The following RANBP17 variants were observed in gnomAD, a reference collection of about 807,000 sequenced individuals.
RANBP17 encodes the protein ran-binding protein 17.
A neutral mutation model predicts 141.2 loss-of-function variants in RANBP17; 158 were observed. That is an observed-to-expected ratio of 1.12 (90% CI 0.98 to 1.28). The LOEUF (loss-of-function observed/expected upper bound fraction) is 1.28, where lower values mean the gene tolerates loss of function less well. Among genes scored for constraint, RANBP17 ranks in the 50% most tolerant of loss-of-function variants. The pLI is 0.00. For missense variants in RANBP17, 1,438 were observed against 1,290.7 expected, an observed-to-expected ratio of 1.11 and a Z score of -1.75; for synonymous variants, 430 against 450.0, an observed-to-expected ratio of 0.96 and a Z score of 0.56.
intron 5 of RANBP17, among the ~76,000 whole-genome samples, chr5:170,898,375 G>A (rs575614275): frequency 6.6e-6 from 1 of 150,886 alleles, no homozygotes; most frequent in Non-Finnish European, 1.5e-5. Context: ...TTGTGATGGG[G>A]TTTTTTTTTC....
chr5:170,868,417 TTTG>T (rs371693546), intron 1 of RANBP17, among the ~76,000 whole-genome samples: 4,205 of 151,590 alleles, frequency 0.028, 168 homozygotes, highest in African/African-American at 0.094. Flanking sequence ...CCTGGCTGAT[TTTG>T]TTGTTGTTGT....
chr5:171,083,329 C>A (rs908756291), intron 14 of RANBP17, among the ~76,000 whole-genome samples: 1 of 152,108 alleles, frequency 6.6e-6, no homozygotes, highest in African/African-American at 2.4e-5. Flanking sequence ...CTAGCCCACT[C>A]CTTCCACCAT....
At chr5:171,171,412 A>T in intron 16 of RANBP17, 126 bp downstream of exon 16, 1 of 521,512 alleles carries the variant, frequency 1.9e-6, no homozygotes, top group Non-Finnish European at 3.4e-6. Context: ...CCTTTCATTT[A>T]GCCTTATCTG....
At chr5:171,064,316 T>C (rs1411965647) in intron 14 of RANBP17, among the ~76,000 whole-genome samples, 1 of 152,232 alleles carries the variant, frequency 6.6e-6, no homozygotes, top group Non-Finnish European at 1.5e-5. Context: ...CTGCCAGTCC[T>C]AGAATGTATT....
Position 171,213,157 on chromosome 5 carries a change from T to A in RANBP17, c.2232-474T>A, listed in dbSNP as rs377254947. Among the ~76,000 whole-genome samples the A allele has an allele frequency of 1.3e-3, 193 of 152,316 alleles. 9 individuals carry two copies. The South Asian group carries it at 0.039, about 30-fold the overall frequency. On this transcript the variant is annotated intron_variant, in intron 20 of 27. Coordinates refer to ENST00000523189, the MANE Select transcript of RANBP17 (RefSeq NM_022897.5). ...GAAACTGAGAGATATGTGAGGTTTA[T>A]TACTAGTTCCTTCTACTTTTACATA...
chr5:170,892,623 T>A, intron 4 of RANBP17, 70 bp downstream of exon 4: 2 of 1,194,094 alleles, frequency 1.7e-6, no homozygotes, highest in Non-Finnish European at 1.2e-6. Flanking sequence ...CTGCTCTTCT[T>A]AAAGCGATAT....
At chr5:170,929,910 G>A (rs559342722) in intron 12 of RANBP17, among the ~76,000 whole-genome samples, 3 of 152,042 alleles carry the variant, frequency 2.0e-5, no homozygotes, top group African/African-American at 7.2e-5. Flanking sequence ...TTCCCTTGGG[G>A]TCAAATTTAG....
intron 13 of RANBP17, among the ~76,000 whole-genome samples, chr5:170,967,920 G>A (rs1267848380): frequency 1.3e-5 from 2 of 151,430 alleles, no homozygotes; most frequent in African/African-American, 4.8e-5. Flanking sequence ...TTTTACTGTA[G>A]TATAGGGTTT....
rs1048148505 is a variant in RANBP17, at chr5:171,299,986, G to A, written c.*1128G>A. The stretch of plus-strand genomic sequence containing the variant: ...GGTTGGCCTTACTGTTGAACAATAA[G>A]TAAATCCACAGGCTCCTGTTGTAAT... On this transcript the variant is annotated 3_prime_UTR_variant, in exon 28 of 28. Transcript: ENST00000523189. 5 of 187,934 alleles carry A rather than the reference G, an allele frequency of 2.7e-5. No homozygotes were observed. The South Asian group carries it at 7.8e-4, about 29-fold the overall frequency. 11.6% of individuals were successfully genotyped at this position (187,934 alleles called of 1,614,324 possible).
At chr5:171,192,280 A>C (rs558023686) in intron 18 of RANBP17, among the ~76,000 whole-genome samples, 1 of 152,304 alleles carries the variant, frequency 6.6e-6, no homozygotes, top group South Asian at 2.1e-4. Context: ...AATACTTAAA[A>C]TCTGTAATGA....
chr5:170,952,871 C>CA (rs1739328928), intron 12 of RANBP17, among the ~76,000 whole-genome samples: 1 of 151,966 alleles, frequency 6.6e-6, no homozygotes, highest in Non-Finnish European at 1.5e-5. Flanking sequence ...ATACCTTAAG[C>CA]AAAAATCATT....
At chr5:171,267,175 AG>A (rs1766772723) in intron 25 of RANBP17, among the ~76,000 whole-genome samples, 2 of 150,668 alleles carry the variant, frequency 1.3e-5, no homozygotes. Context: ...CTGGGACTAC[AG>A]GTGCACACCA....
At chr5:171,112,166 T>C (rs1755281182) in intron 14 of RANBP17, among the ~76,000 whole-genome samples, 1 of 152,148 alleles carries the variant, frequency 6.6e-6, no homozygotes, top group South Asian at 2.1e-4. Context: ...GGTGGATACA[T>C]GGAGTCAGAA....
Position 171,218,331 on chromosome 5 carries a change from A to G in RANBP17, c.2340-3427A>G, listed in dbSNP as rs552848241. 4.6e-5 allele frequency among the ~76,000 whole-genome samples: 7 copies of G among 152,294 alleles called. No individual in the cohort carries two copies. In the South Asian group the frequency reaches 1.5e-3, roughly 32 times the overall value. On this transcript the variant is annotated intron_variant, in intron 21 of 27. Transcript: ENST00000523189. ...CCAATTATGTGGTCGATTTTAGAAT[A>G]CATGCTTTGTGACACTGAGAAGAAT...
intron 18 of RANBP17, among the ~76,000 whole-genome samples, chr5:171,185,059 A>G (rs551661908): frequency 6.6e-6 from 1 of 152,300 alleles, no homozygotes; most frequent in South Asian, 2.1e-4. Flanking sequence ...GCTACTTGGG[A>G]GGCTAAGGCA....
Position 170,940,166 on chromosome 5 carries a change from T to C in RANBP17, c.1469-13431T>C, listed in dbSNP as rs556436064. Among the ~76,000 whole-genome samples, 9 of 152,248 alleles carry C rather than the reference T, an allele frequency of 5.9e-5. No individual in the cohort carries two copies. The East Asian group carries it at 9.6e-4, about 16-fold the overall frequency. On this transcript the variant is annotated intron_variant, in intron 12 of 27. Coordinates refer to ENST00000523189, the MANE Select transcript of RANBP17 (RefSeq NM_022897.5). ...GTTACATACTCAAAACATTAAAACA[T>C]GGAAAGTTGAAAGTAAAAGGATTTT... is the stretch of plus-strand genomic sequence containing the variant.
chr5:170,880,450 G>T (rs1031874445), intron 2 of RANBP17, among the ~76,000 whole-genome samples: 1 of 152,126 alleles, frequency 6.6e-6, no homozygotes, highest in Admixed American at 6.6e-5. Context: ...AAACAATGTT[G>T]ATTTAATTAA....
At chr5:170,915,027 C>T (rs1157729281) in intron 8 of RANBP17, among the ~76,000 whole-genome samples, 1 of 152,082 alleles carries the variant, frequency 6.6e-6, no homozygotes, top group African/African-American at 2.4e-5. Context: ...CATGTCTTCT[C>T]TTGAATCTAG....
At chr5:171,281,203 A>C (rs1767840374) in intron 25 of RANBP17, among the ~76,000 whole-genome samples, 1 of 152,170 alleles carries the variant, frequency 6.6e-6, no homozygotes. Flanking sequence ...AGAACATTTG[A>C]GTATATGCTT....
Sources: gnomAD v4.1 joint callset for allele counts (sites outside exome capture counted in the v4.1 genomes callset) on GRCh38, gnomAD v4.1.1 for gene constraint, MANE v1.5 for transcripts, NCBI Gene and HGNC (gene_info 2026-07-23, HGNC 2026-07-21) for gene names.